Variants in RSPH10B2 observed in about 807,000 individuals in gnomAD.
RSPH10B2 encodes radial spoke head 10 homolog B2, also known as radial spoke head 10 homolog B2 (Chlamydomonas).
In RSPH10B2, 9 loss-of-function variants were observed where a neutral mutation model predicts 49.0. That is an observed-to-expected ratio of 0.18 (90% CI 0.11 to 0.32). The LOEUF (loss-of-function observed/expected upper bound fraction) is 0.32. Ranked by LOEUF, RSPH10B2 falls within the 10% of genes least tolerant of loss-of-function variation. The pLI, the probability that RSPH10B2 is intolerant of heterozygous loss-of-function variation, is 1.00. For synonymous variants in RSPH10B2, 35 were observed against 210.2 expected, an observed-to-expected ratio of 0.17 and a Z score of 7.21; for missense variants, 95 against 589.9, an observed-to-expected ratio of 0.16 and a Z score of 8.69.
chr7:6,764,807 C>T (rs1274764044), intron 4 of RSPH10B2, among the ~76,000 whole-genome samples: 1 of 144,504 alleles, frequency 6.9e-6, no homozygotes, highest in Admixed American at 7.0e-5. Context: ...GCAGCATCTG[C>T]ATGGCTGCAA....
intron 14 of RSPH10B2, among the ~76,000 whole-genome samples, chr7:6,786,445 C>T (rs1343189402): frequency 8.7e-6 from 1 of 114,806 alleles, no homozygotes; most frequent in African/African-American, 3.6e-5. Context: ...CCACCTGCCT[C>T]GGCCTCCCAA....
intron 13 of RSPH10B2, among the ~76,000 whole-genome samples, chr7:6,781,881 T>A (rs1304752415): frequency 1.9e-5 from 2 of 107,584 alleles, no homozygotes; most frequent in Non-Finnish European, 3.7e-5. Flanking sequence ...TATATATATA[T>A]ATAAATATAT....
intron 11 of RSPH10B2, among the ~76,000 whole-genome samples, chr7:6,780,103 G>A (rs111706657): frequency 2.7e-5 from 3 of 112,078 alleles, no homozygotes; most frequent in Admixed American, 2.0e-4. Flanking sequence ...GATTACAGGC[G>A]TGAGCCACCA....
At chr7:6,770,676 C>T (rs1223562866) in intron 7 of RSPH10B2, among the ~76,000 whole-genome samples, 2 of 147,704 alleles carry the variant, frequency 1.4e-5, no homozygotes, top group Non-Finnish European at 3.0e-5. Flanking sequence ...GAGGCTGAGG[C>T]GGATGGATCA....
upstream of RSPH10B2, chr7:6,752,924 A>AACCTCTACTTCTACCTAC (rs1780936236): frequency 7.2e-6 from 1 of 138,266 alleles, no homozygotes; most frequent in Admixed American, 8.8e-5. Context: ...TTGTATTTTT[A>AACCTCTACTTCTACCTAC]GTAGAGACAG....
At chr7:6,796,902 G>T (rs1782594024) in intron 18 of RSPH10B2, 136 bp downstream of exon 20, 1 of 507,716 alleles carries the variant, frequency 2.0e-6, no homozygotes, top group Non-Finnish European at 3.1e-6. Context: ...ACATAAAAAG[G>T]AATGAATATT....
At chr7:6,791,708 C>T (rs1782340572) in intron 16 of RSPH10B2, among the ~76,000 whole-genome samples, 196 bp from the exon 19 acceptor site, 2 of 133,576 alleles carry the variant, frequency 1.5e-5, no homozygotes, top group Admixed American at 7.9e-5. Flanking sequence ...CGCGCCACTG[C>T]ACTCCAGCCT....
intron 14 of RSPH10B2, among the ~76,000 whole-genome samples, chr7:6,786,575 C>T (rs1406770394): frequency 9.5e-6 from 1 of 105,522 alleles, no homozygotes; most frequent in Non-Finnish European, 1.8e-5. Context: ...CTCCTGGGCT[C>T]AAATGATCCT....
At chr7:6,768,194 T>C (rs1251209827) in intron 6 of RSPH10B2, among the ~76,000 whole-genome samples, 2 of 150,882 alleles carry the variant, frequency 1.3e-5, no homozygotes, top group Non-Finnish European at 3.0e-5. Context: ...AAAATAAAAA[T>C]ATATAAAAGC....
At chr7:6,795,635 C>T (rs1309989568) in intron 17 of RSPH10B2, among the ~76,000 whole-genome samples, 1 of 137,966 alleles carries the variant, frequency 7.2e-6, no homozygotes, top group African/African-American at 2.7e-5. Flanking sequence ...GTGGCACCCG[C>T]CTGTGGTCCC....
intron 18 of RSPH10B2, among the ~76,000 whole-genome samples, chr7:6,797,402 G>A (rs181142916): frequency 3.3e-5 from 5 of 152,114 alleles, no homozygotes; most frequent in Non-Finnish European, 5.9e-5. Context: ...AGGGGCCCTC[G>A]ATAGCTTCTC....
chr7:6,780,610 C>G (rs1419169732), intron 11 of RSPH10B2, among the ~76,000 whole-genome samples, 199 bp from the exon 14 acceptor site: 1 of 117,020 alleles, frequency 8.5e-6, no homozygotes, highest in East Asian at 2.7e-4. Flanking sequence ...GTCTTAAACT[C>G]CTGACCTCGA....
chr7:6,793,821 G>GT (rs199673223), intron 17 of RSPH10B2, among the ~76,000 whole-genome samples: 14,362 of 139,270 alleles, frequency 0.1, 53 homozygotes, highest in South Asian at 0.16. Flanking sequence ...TCCAGCCTGG[G>GT]TGACAGTGAG....
chr7:6,770,013 G>A (rs1476758942), intron 7 of RSPH10B2, among the ~76,000 whole-genome samples: 1 of 19,750 alleles, frequency 5.1e-5, no homozygotes, highest in Non-Finnish European at 1.0e-4. Flanking sequence ...ATCTAGTGTC[G>A]TCTGCCATGT....
intron 6 of RSPH10B2, among the ~76,000 whole-genome samples, 180 bp downstream of exon 8, chr7:6,767,057 C>T (rs1215748101): frequency 1.4e-3 from 104 of 76,058 alleles, no homozygotes; most frequent in Middle Eastern, 8.8e-3. Context: ...CTCCACCTCC[C>T]GGGTTCAAGC....
chr7:6,763,130 A>C (rs1165197979), intron 3 of RSPH10B2, among the ~76,000 whole-genome samples: 2 of 17,220 alleles, frequency 1.2e-4, no homozygotes, highest in Non-Finnish European at 2.1e-4. Context: ...ACAACAACAA[A>C]AAATCCACAA....
At chr7:6,768,245 C>T (rs1348323197) in intron 6 of RSPH10B2, among the ~76,000 whole-genome samples, 7 of 152,292 alleles carry the variant, frequency 4.6e-5, no homozygotes, top group Non-Finnish European at 8.8e-5. Context: ...AAAATCTTCA[C>T]GATCAAGCCA....
chr7:6,784,661 G>C (rs1427205042), intron 13 of RSPH10B2, among the ~76,000 whole-genome samples: 1 of 124,122 alleles, frequency 8.1e-6, no homozygotes, highest in Non-Finnish European at 1.6e-5. Context: ...TGCCTCCTGG[G>C]CTCAAGTGAT....
rs1259058076 is a variant in RSPH10B2 at position 6,781,869 on chromosome 7, A to C, written c.1758+393A>C. Among the ~76,000 whole-genome samples, 4 of 99,272 alleles carry C rather than the reference A, an allele frequency of 4.0e-5. 1 individual carries two copies. Among genetic ancestry groups the C allele is most frequent in the Non-Finnish European group, 8.0e-5 (4 of 49,968 alleles). 65.1% of individuals were successfully genotyped at this position (99,272 alleles called of 152,430 possible). Reference sequence around the variant, plus strand: ...TATGCCATGGGCCATTGTCTTAAAAAATATATATATATATAAATATATATA... The same window carrying C: ...TATGCCATGGGCCATTGTCTTAAAACATATATATATATATAAATATATATA... On this transcript the variant is annotated intron_variant, in intron 13 of 18. Transcript: ENST00000297186.
Sources: gnomAD v4.1 joint callset for allele counts (sites outside exome capture counted in the v4.1 genomes callset) on GRCh38, gnomAD v4.1.1 for gene constraint, MANE v1.5 for transcripts, NCBI Gene and HGNC (gene_info 2026-07-23, HGNC 2026-07-21) for gene names.